Variants in PLCZ1 observed in about 807,000 individuals in gnomAD.
The protein encoded by PLCZ1 is 1-phosphatidylinositol 4,5-bisphosphate phosphodiesterase zeta-1.
PLCZ1 carries 64 observed loss-of-function variants against 76.8 expected under a neutral mutation model. The observed-to-expected ratio is 0.83, with a 90% CI of 0.68 to 1.03. PLCZ1 has a LOEUF of 1.03. PLCZ1 is among the 50% of genes least tolerant of loss of function. PLCZ1 has a pLI of 0.00. For synonymous variants in PLCZ1, 248 were observed against 230.8 expected (o/e 1.07, Z -0.68); for missense variants, 751 against 713.7 (o/e 1.05, Z -0.60).
At chr12:18,737,223 GAACA>G (rs1256702798) in intron 2 of PLCZ1, 134 bp downstream of exon 2, 9 of 931,706 alleles carry the variant, frequency 9.7e-6, no homozygotes, top group Non-Finnish European at 1.6e-5. Context: ...GAAAAGCTCA[GAACA>G]AACAGGGAAA....
At chr12:18,710,989 A>T (rs1453435566) in intron 6 of PLCZ1, among the ~76,000 whole-genome samples, 3 of 152,046 alleles carry the variant, frequency 2.0e-5, no homozygotes, top group African/African-American at 2.4e-5. Flanking sequence ...TTCCTCAGGG[A>T]TCTAGAACTA....
downstream of PLCZ1, among the ~76,000 whole-genome samples, chr12:18,682,953 A>G (rs1406951324): frequency 6.6e-6 from 1 of 152,018 alleles, no homozygotes; most frequent in Non-Finnish European, 1.5e-5. Context: ...AAGCTTATAA[A>G]TTCTAGTAAT....
At chr12:18,667,347 C>T in the PLCZ1 span, among the ~76,000 whole-genome samples, 6 of 152,112 alleles carry the variant, frequency 3.9e-5, 1 homozygote, top group South Asian at 2.1e-4. Context: ...CAGTCATCAA[C>T]TTTTAACTGT....
chr12:18,650,188 G>A, the PLCZ1 span, among the ~76,000 whole-genome samples: 1 of 151,758 alleles, frequency 6.6e-6, no homozygotes, highest in African/African-American at 2.4e-5. Flanking sequence ...AAATATTAGG[G>A]TTCTTTTCCC....
At chr12:18,673,567 CTAGT>C in the PLCZ1 span, among the ~76,000 whole-genome samples, 2 of 152,162 alleles carry the variant, frequency 1.3e-5, no homozygotes, top group Non-Finnish European at 1.5e-5. Context: ...ACCTATTCTA[CTAGT>C]TATCTATTGT....
At chr12:18,698,099 A>G (rs889160246) in intron 10 of PLCZ1, among the ~76,000 whole-genome samples, 5 of 151,506 alleles carry the variant, frequency 3.3e-5, no homozygotes, top group African/African-American at 1.2e-4. Flanking sequence ...AACATGAAGG[A>G]ACAGAGACCA....
At chr12:18,736,472 T>C (rs1267717615) in intron 2 of PLCZ1, 128 bp from the exon 3 acceptor site, 31 of 1,206,926 alleles carry the variant, frequency 2.6e-5, no homozygotes, top group Non-Finnish European at 3.3e-5. Flanking sequence ...AATTATAGTA[T>C]AATTGTATGA....
the PLCZ1 span, among the ~76,000 whole-genome samples, chr12:18,651,820 C>T: frequency 6.6e-6 from 1 of 152,104 alleles, no homozygotes. Flanking sequence ...TGATTGTTCA[C>T]AGACATATGC....
the PLCZ1 span, among the ~76,000 whole-genome samples, chr12:18,667,285 G>T: frequency 6.6e-6 from 1 of 152,110 alleles, no homozygotes; most frequent in Admixed American, 6.6e-5. Context: ...AGAGATATGT[G>T]TAATATCTTA....
At chr12:18,734,700 G>A (rs1272697049) in intron 3 of PLCZ1, among the ~76,000 whole-genome samples, 1 of 152,140 alleles carries the variant, frequency 6.6e-6, no homozygotes, top group African/African-American at 2.4e-5. Context: ...ATGTAAGATT[G>A]TGCCATCAGT....
At chr12:18,736,680 G>T (rs1237527740) in intron 2 of PLCZ1, 1 of 1,291,062 alleles carries the variant, frequency 7.7e-7, no homozygotes, top group East Asian at 5.5e-5. Context: ...TAGACTTCAA[G>T]ATCGCCTCTC....
Position 18,683,191 on chromosome 12 carries a change from T to C in PLCZ1, c.*48A>G. 1 of 1,490,658 alleles carries C rather than the reference T, an allele frequency of 6.7e-7. No homozygotes were observed. Among genetic ancestry groups the C allele is most frequent in the Non-Finnish European group, 9.4e-7 (1 of 1,068,796 alleles). 92.3% of individuals were successfully genotyped at this position (1,490,658 alleles called of 1,614,324 possible). ...AAAACATAAAGACATTCATTTTGGC[T>C]GTTTTATTGCGATGCATAGCTAATG... On this transcript the variant is annotated 3_prime_UTR_variant, in exon 15 of 15. Transcript: ENST00000266505.
At chr12:18,683,886 A>G (rs1202677087) in intron 14 of PLCZ1, among the ~76,000 whole-genome samples, 1 of 151,986 alleles carries the variant, frequency 6.6e-6, no homozygotes, top group Non-Finnish European at 1.5e-5. Context: ...GGATGCATGT[A>G]AAGAAATGCT....
chr12:18,735,521 C>T (rs1450559729), intron 3 of PLCZ1, among the ~76,000 whole-genome samples: 1 of 152,118 alleles, frequency 6.6e-6, no homozygotes, highest in Admixed American at 6.6e-5. Context: ...ATTACAGGTA[C>T]AAATCACTGC....
chr12:18,645,788 T>C, the PLCZ1 span, among the ~76,000 whole-genome samples: 4 of 152,218 alleles, frequency 2.6e-5, no homozygotes, highest in African/African-American at 7.2e-5. Context: ...AACAGATTCA[T>C]GAAAATATAA....
the PLCZ1 span, among the ~76,000 whole-genome samples, chr12:18,649,704 C>T: frequency 2.6e-5 from 4 of 152,142 alleles, no homozygotes; most frequent in Non-Finnish European, 5.9e-5. Context: ...TGTTGACCTC[C>T]AATTAGCTAA....
chr12:18,727,743 T>C (rs1248233396), intron 3 of PLCZ1, among the ~76,000 whole-genome samples: 1 of 152,184 alleles, frequency 6.6e-6, no homozygotes, highest in African/African-American at 2.4e-5. Context: ...TAGATTTTCG[T>C]TCTAGAAAGA....
chr12:18,724,508 T>C (rs979596843), intron 3 of PLCZ1, among the ~76,000 whole-genome samples: 3 of 152,246 alleles, frequency 2.0e-5, no homozygotes, highest in African/African-American at 7.2e-5. Flanking sequence ...GTAAACAGCT[T>C]GAATGCAAGA....
At chr12:18,684,075 A>G (rs1952725449) in intron 14 of PLCZ1, 55 bp downstream of exon 14, 1 of 1,584,800 alleles carries the variant, frequency 6.3e-7, no homozygotes, top group Non-Finnish European at 8.6e-7. Context: ...TGTCTTTGAT[A>G]TACACAAGTT....
Sources: allele counts gnomAD v4.1 joint callset (sites outside exome capture counted in the v4.1 genomes callset), GRCh38; gene constraint gnomAD v4.1.1; transcripts MANE v1.5; gene names NCBI Gene and HGNC (gene_info 2026-07-23, HGNC 2026-07-21).